GALNT17: variants seen among roughly 807,000 people sequenced by gnomAD.
GALNT17 encodes UDP-GalNAc:polypeptide N-acetylgalactosaminyltransferase-like 3.
In GALNT17, 29 loss-of-function variants were observed where a neutral mutation model predicts 63.7. The ratio of observed to expected loss-of-function variants is 0.46; its 90% CI spans 0.34 to 0.62. GALNT17 has a LOEUF of 0.62. Ranked by LOEUF, GALNT17 falls within the 20% of genes least tolerant of loss-of-function variation. The pLI is 0.01. For synonymous variants in GALNT17, 305 were observed against 318.3 expected, an observed-to-expected ratio of 0.96 and a Z score of 0.45; for missense variants, 603 against 799.6, an observed-to-expected ratio of 0.75 and a Z score of 2.97.
chr7:71,238,768 C>T (rs1268959988), intron 1 of GALNT17, among the ~76,000 whole-genome samples: 1 of 152,144 alleles, frequency 6.6e-6, no homozygotes, highest in Admixed American at 6.5e-5. Context: ...CCTTGTTAAT[C>T]CTCTCCCCTG....
intron 1 of GALNT17, among the ~76,000 whole-genome samples, chr7:71,216,495 C>G (rs370359174): frequency 6.6e-6 from 1 of 151,776 alleles, no homozygotes; most frequent in Non-Finnish European, 1.5e-5. Flanking sequence ...GCAAGTATAC[C>G]TCCTAGGGGG....
At chr7:71,479,994 G>C (rs967956395) in intron 5 of GALNT17, among the ~76,000 whole-genome samples, 1 of 152,044 alleles carries the variant, frequency 6.6e-6, no homozygotes, top group Admixed American at 6.6e-5. Flanking sequence ...CAACAGAGCA[G>C]CTCTATCCTT....
chr7:71,174,228 C>T (rs917594522), intron 1 of GALNT17, among the ~76,000 whole-genome samples: 3 of 152,092 alleles, frequency 2.0e-5, no homozygotes, highest in Non-Finnish European at 4.4e-5. Flanking sequence ...GTCAGGGAGG[C>T]CTCAGAGGAA....
chr7:71,286,260 G>A (rs1790871095), intron 1 of GALNT17, among the ~76,000 whole-genome samples: 1 of 152,186 alleles, frequency 6.6e-6, no homozygotes, highest in Non-Finnish European at 1.5e-5. Flanking sequence ...CTCTGCCCAC[G>A]TTGATTACTT....
intron 5 of GALNT17, among the ~76,000 whole-genome samples, chr7:71,503,985 T>C (rs1055482746): frequency 3.3e-5 from 5 of 151,984 alleles, no homozygotes; most frequent in Admixed American, 6.6e-5. Flanking sequence ...TCCCAGCACT[T>C]TGGGAGGCCG....
At chr7:71,494,217 A>C (rs753018415) in intron 5 of GALNT17, among the ~76,000 whole-genome samples, 1 of 152,116 alleles carries the variant, frequency 6.6e-6, no homozygotes, top group Non-Finnish European at 1.5e-5. Context: ...GAAAACCATC[A>C]TATCACATGA....
intron 9 of GALNT17, among the ~76,000 whole-genome samples, chr7:71,684,767 A>T (rs546243103): frequency 6.6e-6 from 1 of 151,924 alleles, no homozygotes; most frequent in Non-Finnish European, 1.5e-5. Flanking sequence ...GGTTCAAGCA[A>T]CCCTCCTGCT....
intron 1 of GALNT17, among the ~76,000 whole-genome samples, chr7:71,175,732 A>G (rs1209221068): frequency 6.6e-6 from 1 of 152,076 alleles, no homozygotes; most frequent in Non-Finnish European, 1.5e-5. Context: ...CAAAAACTTA[A>G]TAACTTAAAA....
intron 2 of GALNT17, among the ~76,000 whole-genome samples, chr7:71,346,189 T>G (rs1204997191): frequency 6.6e-6 from 1 of 151,828 alleles, no homozygotes; most frequent in Non-Finnish European, 1.5e-5. Context: ...GAGATGAGTG[T>G]GTACATGTGA....
At chr7:71,585,041 T>C (rs1345310390) in intron 6 of GALNT17, among the ~76,000 whole-genome samples, 2 of 152,216 alleles carry the variant, frequency 1.3e-5, no homozygotes, top group East Asian at 3.8e-4. Context: ...ATTTAGCAGA[T>C]TGATGTTTCT....
In GALNT17 at chr7:71,158,777, G is replaced by A. The variant is rs1328775104; in HGVS notation, c.238+25737G>A. 2.0e-4 allele frequency among the ~76,000 whole-genome samples: 30 copies of A among 151,570 alleles called. 1 individual carries two copies. Among genetic ancestry groups the A allele is most frequent in the Admixed American group, 1.9e-3 (29 of 15,210 alleles). ...TTTTTAGTAGAGATGGGGTTTCACC[G>A]TGTTAGCCAGGATGGTCTCAATCTC... On this transcript the variant is annotated intron_variant, in intron 1 of 10. Coordinates refer to ENST00000333538, the MANE Select transcript of GALNT17 (RefSeq NM_022479.3).
intron 5 of GALNT17, among the ~76,000 whole-genome samples, chr7:71,543,245 A>G (rs1584037731): frequency 6.6e-6 from 1 of 152,096 alleles, no homozygotes; most frequent in South Asian, 2.1e-4. Context: ...TGAATAATGC[A>G]TTGTTGATTA....
Position 71,148,768 on chromosome 7 carries a change from G to A in GALNT17, c.238+15728G>A, listed in dbSNP as rs180823285. On this transcript the variant is annotated intron_variant, in intron 1 of 10. Coordinates refer to ENST00000333538, the MANE Select transcript of GALNT17 (RefSeq NM_022479.3). ...GACATGTCATCATTTAATTGGTAGC[G>A]TACTTTTTCCCCCTCAGGGTACATA... is the stretch of plus-strand genomic sequence containing the variant. Among the ~76,000 whole-genome samples, 191 of 147,918 alleles carry A rather than the reference G, an allele frequency of 1.3e-3. 2 individuals are homozygous for A. Among genetic ancestry groups the A allele is most frequent in the African/African-American group, 4.7e-3 (184 of 39,548 alleles).
chr7:71,146,614 C>A (rs740206), intron 1 of GALNT17, among the ~76,000 whole-genome samples: 4 of 152,094 alleles, frequency 2.6e-5, no homozygotes, highest in Admixed American at 2.0e-4. Flanking sequence ...CCTCCCTCGC[C>A]GCCATCCTCC....
chr7:71,173,756 G>C (rs919983083), intron 1 of GALNT17, among the ~76,000 whole-genome samples: 12 of 152,010 alleles, frequency 7.9e-5, no homozygotes, highest in African/African-American at 2.9e-4. Flanking sequence ...TTGTGCGATA[G>C]GGCGAGACTC....
At chr7:71,690,804 C>T (rs943573344) in intron 9 of GALNT17, among the ~76,000 whole-genome samples, 8 of 152,138 alleles carry the variant, frequency 5.3e-5, no homozygotes, top group African/African-American at 1.9e-4. Context: ...AGAACTAGAA[C>T]CAAAATGGAG....
chr7:71,180,462 A>G (rs1473722114), intron 1 of GALNT17, among the ~76,000 whole-genome samples: 2 of 152,162 alleles, frequency 1.3e-5, no homozygotes, highest in African/African-American at 4.8e-5. Flanking sequence ...AGTCACGTGC[A>G]GATGAATGGT....
chr7:71,534,646 A>G (rs1339416734), intron 5 of GALNT17, among the ~76,000 whole-genome samples: 1 of 151,506 alleles, frequency 6.6e-6, no homozygotes, highest in Admixed American at 6.6e-5. Flanking sequence ...CTCATTCACT[A>G]TCACAAGAAC....
chr7:71,385,019 C>T (rs1375076607), intron 2 of GALNT17, among the ~76,000 whole-genome samples: 1 of 152,114 alleles, frequency 6.6e-6, no homozygotes, highest in Non-Finnish European at 1.5e-5. Context: ...CCCTCATATC[C>T]CAGAACTCTG....
Sources: allele counts gnomAD v4.1 joint callset (sites outside exome capture counted in the v4.1 genomes callset), GRCh38; gene constraint gnomAD v4.1.1; transcripts MANE v1.5; gene names NCBI Gene and HGNC (gene_info 2026-07-23, HGNC 2026-07-21).